TRAPPC10: variants seen among roughly 807,000 people sequenced by gnomAD.
TRAPPC10 encodes TRAPP 130 kDa subunit.
Under a neutral mutation model 125.5 loss-of-function variants are expected in TRAPPC10, and 23 were observed. The observed-to-expected ratio is 0.18, with a 90% confidence interval of 0.13 to 0.26. The LOEUF (loss-of-function observed/expected upper bound fraction) is 0.26. TRAPPC10 is among the 10% of genes least tolerant of loss of function. The pLI is 1.00. For missense variants in TRAPPC10, 1,123 were observed against 1,308.4 expected, an observed-to-expected ratio of 0.86 and a Z score of 2.19; for synonymous variants, 509 against 518.0, an observed-to-expected ratio of 0.98 and a Z score of 0.24.
At chr21:44,034,502 T>C (rs957756079) in intron 2 of TRAPPC10, among the ~76,000 whole-genome samples, 1 of 152,282 alleles carries the variant, frequency 6.6e-6, no homozygotes, top group Middle Eastern at 3.4e-3. Context: ...GGGAACTCTG[T>C]AGCCAGATCC....
At chr21:44,027,451 C>A (rs899412647) in intron 1 of TRAPPC10, among the ~76,000 whole-genome samples, 6 of 152,200 alleles carry the variant, frequency 3.9e-5, no homozygotes, top group African/African-American at 1.4e-4. Context: ...TTTCAGCCAA[C>A]CATTGTTAAA....
At chr21:44,088,139 ACCTTT>A (rs2038278466) in intron 17 of TRAPPC10, 1 of 582,282 alleles carries the variant, frequency 1.7e-6, no homozygotes, top group South Asian at 2.0e-5. Context: ...AGCCAGCTCT[ACCTTT>A]CCCTCTCAGT....
intron 15 of TRAPPC10, among the ~76,000 whole-genome samples, chr21:44,085,306 G>A (rs1412379665): frequency 1.3e-5 from 2 of 151,996 alleles, no homozygotes; most frequent in African/African-American, 4.8e-5. Flanking sequence ...AACTACATGT[G>A]TATTTTACAG....
intron 8 of TRAPPC10, 85 bp downstream of exon 8, chr21:44,074,555 A>G: frequency 1.3e-6 from 2 of 1,567,612 alleles, no homozygotes; most frequent in Non-Finnish European, 1.7e-6. Context: ...TTTGGAGGAG[A>G]GGTGTTGCTC....
Position 44,059,191 on chromosome 21 carries a change from A to AT in TRAPPC10, c.768dup (p.Val257CysfsTer118). ...GAACTGGACGCCCTCTTCTCTCAGTATGTGGTCAACTTCGGGGCCGGGGGT... is the reference window on the plus strand; with the variant it reads ...GAACTGGACGCCCTCTTCTCTCAGTATTGTGGTCAACTTCGGGGCCGGGGGT... On this transcript the variant is annotated frameshift_variant, in exon 6 of 23. Transcript: ENST00000291574. LOFTEE classifies it high-confidence loss of function. This position sits in a 1 kb window ranked among gnomAD's most constrained non-coding sequence, Gnocchi z 4.4. 1 of 1,610,354 alleles carries AT rather than the reference A, an allele frequency of 6.2e-7. No homozygotes were observed. Among genetic ancestry groups the AT allele is most frequent in the Non-Finnish European group, 8.5e-7 (1 of 1,178,682 alleles).
chr21:44,026,948 A>G (rs548840632), intron 1 of TRAPPC10, among the ~76,000 whole-genome samples: 2 of 152,346 alleles, frequency 1.3e-5, no homozygotes, highest in Admixed American at 6.5e-5. Flanking sequence ...TCTGGGGCCT[A>G]CTAAGCCCTA....
rs764281543 is a variant in TRAPPC10 at position 44,084,240 on chromosome 21, A to G, written c.2357A>G (p.Gln786Arg). 1 of 1,613,920 alleles carries G rather than the reference A, an allele frequency of 6.2e-7. No individual in the cohort carries two copies. The highest frequency in any genetic ancestry group is 1.1e-5 in the South Asian group (1 of 91,010). ...TACGACGTGTACTCACAGGAGCCCC[A>G]GCTGCACGTGGAGCCGCTGGCTGGT... ...VQYDVYSQEP[Q>R]LHVEPLADSL... Residue 786 changes from glutamine (Q) to arginine (R), a missense_variant, in exon 15 of 23, where the codon CAG (glutamine) becomes CGG (arginine). Gln to Arg is a conservative substitution (Grantham distance 43). This residue lies in a region of TRAPPC10 where 840 missense variants were observed against 902.0 expected (regional missense o/e 0.93). Transcript: ENST00000291574.
intron 6 of TRAPPC10, among the ~76,000 whole-genome samples, chr21:44,061,768 AT>A (rs2036076898): frequency 6.7e-6 from 1 of 149,360 alleles, no homozygotes; most frequent in South Asian, 2.1e-4. Flanking sequence ...TAATCTGTTT[AT>A]TTAGGTTTTT....
Position 44,059,315 on chromosome 21 carries a change from T to C in TRAPPC10, c.790+101T>C. 3.8e-6 allele frequency: 3 copies of C among 780,568 alleles called. No individual in the cohort carries two copies. Among genetic ancestry groups the C allele is most frequent in the Admixed American group, 5.0e-5 (2 of 39,698 alleles). The allele number at this position is 780,568 out of a possible 1,614,324, so 48.4% of individuals were successfully genotyped here. On this transcript the variant is annotated intron_variant, in intron 6 of 22. Transcript: ENST00000291574. This position sits in a 1 kb window ranked among gnomAD's most constrained non-coding sequence, Gnocchi z 4.4. ...CATTTATTTACCTCAGGAGTACGCA[T>C]GTTTTGTTGTTGTCTTTATACACAT... is the stretch of plus-strand genomic sequence containing the variant.
chr21:44,060,259 C>T (rs1226357197), intron 6 of TRAPPC10: 2 of 148,428 alleles, frequency 1.3e-5, no homozygotes, highest in Non-Finnish European at 3.0e-5. Context: ...ACTTCTATTT[C>T]TTATATTTTA....
In TRAPPC10 at chr21:44,089,755, T is replaced by C. The variant is rs542175990; in HGVS notation, c.2770-78T>C. On this transcript the variant is annotated intron_variant, in intron 17 of 22. Transcript: ENST00000291574. ...CTAGGGCGTGGGCGGGCACTGCAGG[T>C]GAGTCTGGGCAGCAGTGGTGGTGGC... 9.7e-5 allele frequency: 105 copies of C among 1,087,330 alleles called. No individual in the cohort carries two copies. The East Asian group carries it at 2.4e-3, about 25-fold the overall frequency. The allele number at this position is 1,087,330 out of a possible 1,614,324, so 67.4% of individuals were successfully genotyped here.
At chr21:44,047,027 C>G (rs1292147724) in intron 3 of TRAPPC10, 1 of 746,990 alleles carries the variant, frequency 1.3e-6, no homozygotes, top group African/African-American at 1.7e-5. Flanking sequence ...CCTTTCCCAC[C>G]TTACTGCCAG....
rs79880438 is a variant in TRAPPC10, at chr21:44,042,542, T to C, written c.285+4615T>C. Among the ~76,000 whole-genome samples the C allele has an allele frequency of 4.5e-3, 679 of 152,378 alleles. 8 individuals are homozygous for C. The highest frequency in any genetic ancestry group is 0.016 in the African/African-American group (649 of 41,586). On this transcript the variant is annotated intron_variant, in intron 3 of 22. Transcript: ENST00000291574. ...TAAAATTTTATGAATTTGACTGTTG[T>C]GTGACCTAATAAATGATCAGTTTTT... is the stretch of plus-strand genomic sequence containing the variant.
chr21:44,017,250 C>A (rs1019432792), intron 1 of TRAPPC10, among the ~76,000 whole-genome samples: 1 of 152,176 alleles, frequency 6.6e-6, no homozygotes. Context: ...CTTACTATGT[C>A]ATTTCTACCC....
chr21:44,043,325 T>C (rs776240878), intron 3 of TRAPPC10, among the ~76,000 whole-genome samples: 2 of 150,918 alleles, frequency 1.3e-5, no homozygotes, highest in Non-Finnish European at 3.0e-5. Flanking sequence ...GCGATTCTTC[T>C]GTCCCAGTCT....
intron 12 of TRAPPC10, 96 bp from the exon 13 acceptor site, chr21:44,079,919 T>C: frequency 8.2e-7 from 1 of 1,226,298 alleles, no homozygotes; most frequent in South Asian, 1.4e-5. Flanking sequence ...CCTTTGGCTT[T>C]TGAAGCCTCT....
intron 2 of TRAPPC10, among the ~76,000 whole-genome samples, chr21:44,034,595 A>G (rs889106700): frequency 1.3e-5 from 2 of 152,220 alleles, no homozygotes; most frequent in Admixed American, 6.5e-5. Flanking sequence ...TTCAGAAACA[A>G]CCTTAAAATT....
chr21:44,093,352 A>G (rs1279328032), intron 19 of TRAPPC10, among the ~76,000 whole-genome samples: 1 of 152,008 alleles, frequency 6.6e-6, no homozygotes, highest in Non-Finnish European at 1.5e-5. Flanking sequence ...CTACCCAGGA[A>G]GCTGAGGTGA....
At chr21:44,016,136 A>G (rs2031814041) in intron 1 of TRAPPC10, among the ~76,000 whole-genome samples, 2 of 152,224 alleles carry the variant, frequency 1.3e-5, no homozygotes, top group Non-Finnish European at 2.9e-5. Context: ...AGCAATAGGA[A>G]AACTTGTAGT....
Sources: gnomAD v4.1 joint callset for allele counts (sites outside exome capture counted in the v4.1 genomes callset) on GRCh38, gnomAD v4.1.1 for gene constraint, gnomAD v4.1.1 regional missense constraint, Gnocchi (gnomAD v3.1) non-coding constraint, MANE v1.5 for transcripts, NCBI Gene and HGNC (gene_info 2026-07-23, HGNC 2026-07-21) for gene names.